ADCY2: variants seen among roughly 807,000 people sequenced by gnomAD.
ADCY2 encodes the protein adenylate cyclase type 2.
ADCY2 carries 31 observed loss-of-function variants against 125.2 expected under a neutral mutation model. The observed-to-expected ratio is 0.25, with a 90% CI of 0.19 to 0.33. ADCY2 has a LOEUF of 0.33. Among genes scored for constraint, ADCY2 ranks in the 10% least tolerant of loss-of-function variants. The pLI is 1.00. For synonymous variants in ADCY2, 512 were observed against 548.4 expected (o/e 0.93, Z 0.93); for missense variants, 904 against 1,418.2 (o/e 0.64, Z 5.82).
intron 3 of ADCY2, among the ~76,000 whole-genome samples, chr5:7,576,301 G>T (rs559940799): frequency 6.6e-6 from 1 of 152,340 alleles, no homozygotes; most frequent in Non-Finnish European, 1.5e-5. Flanking sequence ...GACAGGGTTG[G>T]CTGGAAAGTG....
intron 2 of ADCY2, among the ~76,000 whole-genome samples, chr5:7,449,849 A>C (rs541989534): frequency 6.6e-6 from 1 of 152,302 alleles, no homozygotes; most frequent in African/African-American, 2.4e-5. Context: ...TTGTCACAGT[A>C]TTTGAAAAGT....
chr5:7,489,137 CGTCTTGGGT>C (rs1743059383), intron 2 of ADCY2, among the ~76,000 whole-genome samples: 1 of 152,188 alleles, frequency 6.6e-6, no homozygotes, highest in East Asian at 1.9e-4. Flanking sequence ...GTGAAACATG[CGTCTTGGGT>C]GTCTTGGATA....
chr5:7,821,066 C>T (rs755292373), intron 24 of ADCY2, among the ~76,000 whole-genome samples: 11 of 152,120 alleles, frequency 7.2e-5, no homozygotes, highest in Non-Finnish European at 1.3e-4. Context: ...GACACAACCC[C>T]TCACCTTCTT....
chr5:7,424,301 G>A (rs371854376), intron 2 of ADCY2, among the ~76,000 whole-genome samples: 38 of 152,354 alleles, frequency 2.5e-4, no homozygotes, highest in Admixed American at 1.8e-3. Flanking sequence ...CAACTTATTT[G>A]ATCTGTATAA....
At chr5:7,522,775 A>C (rs1352106873) in intron 3 of ADCY2, among the ~76,000 whole-genome samples, 7 of 119,980 alleles carry the variant, frequency 5.8e-5, no homozygotes, top group Admixed American at 5.2e-4. Context: ...AAAAAAAAAA[A>C]ATTAGCCGGG....
chr5:7,626,650 G>A (rs1211094536), intron 4 of ADCY2, among the ~76,000 whole-genome samples: 1 of 152,156 alleles, frequency 6.6e-6, no homozygotes, highest in African/African-American at 2.4e-5. Flanking sequence ...AGCGAGAGAG[G>A]AAGCAAGAGA....
At chr5:7,762,874 G>T (rs1331795732) in intron 16 of ADCY2, among the ~76,000 whole-genome samples, 3 of 152,212 alleles carry the variant, frequency 2.0e-5, no homozygotes, top group African/African-American at 7.2e-5. Flanking sequence ...TTGGTGGAGT[G>T]GGGGGCTGTG....
chr5:7,471,591 A>T (rs771654369), intron 2 of ADCY2, among the ~76,000 whole-genome samples: 1 of 151,988 alleles, frequency 6.6e-6, no homozygotes, highest in African/African-American at 2.4e-5. Flanking sequence ...TCTTTCTATG[A>T]TAAAATAAAT....
chr5:7,539,366 A>AT (rs953128983), intron 3 of ADCY2, among the ~76,000 whole-genome samples: 19 of 151,710 alleles, frequency 1.3e-4, no homozygotes, highest in East Asian at 5.9e-4. Flanking sequence ...AAAAAAAAAA[A>AT]AATAAAACCT....
intron 3 of ADCY2, among the ~76,000 whole-genome samples, chr5:7,565,043 T>C (rs986223585): frequency 3.3e-5 from 5 of 152,196 alleles, no homozygotes; most frequent in African/African-American, 1.2e-4. Context: ...CAAATAGAAA[T>C]GCTGAAGCAG....
chr5:7,693,270 C>T (rs1015140923), intron 5 of ADCY2, among the ~76,000 whole-genome samples: 2 of 152,096 alleles, frequency 1.3e-5, no homozygotes, highest in East Asian at 1.9e-4. Context: ...GTTGCCACAG[C>T]AGGAGTGATC....
At chr5:7,722,244 C>T (rs559137161) in intron 12 of ADCY2, among the ~76,000 whole-genome samples, 47 of 152,212 alleles carry the variant, frequency 3.1e-4, no homozygotes, top group African/African-American at 9.1e-4. Context: ...GAGCCCTTGC[C>T]GTCCACCTGT....
intron 19 of ADCY2, 52 bp downstream of exon 19, chr5:7,784,501 T>G: frequency 7.6e-7 from 1 of 1,309,562 alleles, no homozygotes; most frequent in South Asian, 1.2e-5. Flanking sequence ...AAGTGCTGTA[T>G]TAATAGTGCT....
At chr5:7,418,405 A>G (rs962709934) in intron 2 of ADCY2, among the ~76,000 whole-genome samples, 4 of 152,130 alleles carry the variant, frequency 2.6e-5, no homozygotes, top group Non-Finnish European at 5.9e-5. Context: ...CACCCAAGGC[A>G]TGATGCTTAG....
intron 3 of ADCY2, among the ~76,000 whole-genome samples, chr5:7,536,409 C>T (rs1734814354): frequency 1.3e-5 from 2 of 152,288 alleles, no homozygotes; most frequent in African/African-American, 4.8e-5. Flanking sequence ...AAACTCTCAC[C>T]TGTGCAGGTG....
intron 3 of ADCY2, among the ~76,000 whole-genome samples, chr5:7,606,652 A>T (rs930933698): frequency 1.3e-5 from 2 of 152,298 alleles, no homozygotes; most frequent in African/African-American, 2.4e-5. Context: ...ACCAAATGCT[A>T]TCATACTCAG....
chr5:7,535,644 C>T (rs79227697), intron 3 of ADCY2, among the ~76,000 whole-genome samples: 3,938 of 152,218 alleles, frequency 0.026, 166 homozygotes, highest in African/African-American at 0.089. Context: ...GAGTCAGATC[C>T]ATACATGGAT....
intron 18 of ADCY2, among the ~76,000 whole-genome samples, chr5:7,780,003 T>G (rs6890402): frequency 0.97 from 147,631 of 152,292 alleles, 71,716 homozygotes; most frequent in East Asian, 1. Flanking sequence ...CAGGAGGAAG[T>G]TACTGCCTCA....
At chr5:7,441,901 G>T (rs1236169897) in intron 2 of ADCY2, among the ~76,000 whole-genome samples, 1 of 152,180 alleles carries the variant, frequency 6.6e-6, no homozygotes, top group Non-Finnish European at 1.5e-5. Context: ...CTCAGCTCCT[G>T]CCTCAGTGTG....
Sources: allele counts gnomAD v4.1 joint callset (sites outside exome capture counted in the v4.1 genomes callset), GRCh38; gene constraint gnomAD v4.1.1; transcripts MANE v1.5; gene names NCBI Gene and HGNC (gene_info 2026-07-23, HGNC 2026-07-21).